The following CWC27 variants were observed in gnomAD, a reference collection of about 807,000 sequenced individuals.
The protein encoded by CWC27 is spliceosome-associated protein CWC27 homolog.
A neutral mutation model predicts 63.6 loss-of-function variants in CWC27; 47 were observed. The ratio of observed to expected loss-of-function variants is 0.74; its 90% confidence interval spans 0.58 to 0.94. The LOEUF is 0.94. Ranked by LOEUF, CWC27 falls within the 40% of genes least tolerant of loss-of-function variation. The pLI is 0.00. For missense variants in CWC27, 495 were observed against 554.3 expected, an observed-to-expected ratio of 0.89 and a Z score of 1.07; for synonymous variants, 175 against 179.8, an observed-to-expected ratio of 0.97 and a Z score of 0.22.
intron 10 of CWC27, among the ~76,000 whole-genome samples, chr5:64,867,275 A>G (rs1247210851): frequency 6.6e-6 from 1 of 152,060 alleles, no homozygotes; most frequent in African/African-American, 2.4e-5. Context: ...CCCTTGCAGG[A>G]CTTAGAAATA....
intron 10 of CWC27, among the ~76,000 whole-genome samples, chr5:64,883,709 T>C (rs936126274): frequency 3.9e-5 from 6 of 152,162 alleles, no homozygotes; most frequent in African/African-American, 9.7e-5. Context: ...GAGGGATAGA[T>C]TGCAAGAGAT....
chr5:64,858,480 A>G (rs1746316323), intron 10 of CWC27, among the ~76,000 whole-genome samples: 1 of 150,334 alleles, frequency 6.7e-6, no homozygotes, highest in South Asian at 2.1e-4. Flanking sequence ...AATAATAATA[A>G]TAATAATAAT....
chr5:64,807,699 C>T, intron 10 of CWC27: 2 of 1,535,946 alleles, frequency 1.3e-6, no homozygotes, highest in Non-Finnish European at 8.7e-7. Context: ...AGATTCCAGC[C>T]TCAGCTGTGT....
At chr5:64,932,022 C>T (rs895575137) in intron 11 of CWC27, among the ~76,000 whole-genome samples, 5 of 152,030 alleles carry the variant, frequency 3.3e-5, no homozygotes, top group Admixed American at 2.6e-4. Context: ...ACGTCTTTAA[C>T]TGGAATAGCT....
intron 13 of CWC27, among the ~76,000 whole-genome samples, chr5:65,001,421 T>C (rs1046087912): frequency 3.3e-5 from 5 of 152,150 alleles, no homozygotes; most frequent in African/African-American, 1.2e-4. Context: ...GGCTTTCACC[T>C]TTTCCCCATT....
At chr5:64,915,593 T>A (rs1747874217) in intron 11 of CWC27, among the ~76,000 whole-genome samples, 1 of 152,168 alleles carries the variant, frequency 6.6e-6, no homozygotes, top group African/African-American at 2.4e-5. Context: ...AACATTCTTA[T>A]GCATTAGATA....
At chr5:64,945,407 A>G (rs894890057) in intron 11 of CWC27, among the ~76,000 whole-genome samples, 12 of 152,210 alleles carry the variant, frequency 7.9e-5, no homozygotes, top group African/African-American at 2.9e-4. Flanking sequence ...ATGAAAGATG[A>G]ACTCTAAAAG....
At chr5:64,875,005 G>A (rs917568545) in intron 10 of CWC27, among the ~76,000 whole-genome samples, 3 of 151,978 alleles carry the variant, frequency 2.0e-5, no homozygotes, top group Admixed American at 1.3e-4. Flanking sequence ...TGAAATCTTG[G>A]CTAAGCCAAG....
intron 10 of CWC27, among the ~76,000 whole-genome samples, chr5:64,845,466 G>A (rs1745951781): frequency 6.6e-6 from 1 of 152,022 alleles, no homozygotes. Context: ...AAGAATATAT[G>A]GATAGAAAAT....
chr5:65,002,447 G>C (rs1297019047), intron 13 of CWC27, among the ~76,000 whole-genome samples: 1 of 151,998 alleles, frequency 6.6e-6, no homozygotes, highest in African/African-American at 2.4e-5. Context: ...TTCCTTCCTA[G>C]CACTGCTTTT....
chr5:64,924,597 C>A (rs936562158), intron 11 of CWC27, among the ~76,000 whole-genome samples: 1 of 152,054 alleles, frequency 6.6e-6, no homozygotes, highest in Non-Finnish European at 1.5e-5. Flanking sequence ...CAAATTATCA[C>A]CCCAAATCTA....
intron 10 of CWC27, among the ~76,000 whole-genome samples, chr5:64,813,440 C>T (rs1744943366): frequency 6.6e-6 from 1 of 152,222 alleles, no homozygotes; most frequent in East Asian, 1.9e-4. Flanking sequence ...AATATGACAA[C>T]CCTACTGTTT....
chr5:64,944,898 G>C (rs923050618), intron 11 of CWC27, among the ~76,000 whole-genome samples: 6 of 152,028 alleles, frequency 3.9e-5, no homozygotes, highest in African/African-American at 1.2e-4. Context: ...TTTCTTAAAA[G>C]TTAAAGCCTC....
At chr5:64,855,855 C>T (rs1279076010) in intron 10 of CWC27, among the ~76,000 whole-genome samples, 1 of 152,030 alleles carries the variant, frequency 6.6e-6, no homozygotes, top group Non-Finnish European at 1.5e-5. Context: ...GACATTTCCC[C>T]TCATACTTGC....
intron 11 of CWC27, among the ~76,000 whole-genome samples, chr5:64,954,983 C>T (rs1748778819): frequency 6.6e-6 from 1 of 151,860 alleles, no homozygotes; most frequent in South Asian, 2.1e-4. Context: ...AAATAATTTT[C>T]TATGTTTCTC....
chr5:64,909,480 C>A (rs1747738942), intron 11 of CWC27, among the ~76,000 whole-genome samples: 1 of 152,112 alleles, frequency 6.6e-6, no homozygotes, highest in African/African-American at 2.4e-5. Flanking sequence ...GAATGTTGGC[C>A]TGCCTTGCTA....
At chr5:65,018,109 C>T in intron 13 of CWC27, 50 bp from the exon 14 acceptor site, 1 of 1,466,820 alleles carries the variant, frequency 6.8e-7, no homozygotes, top group Non-Finnish European at 9.2e-7. Flanking sequence ...AGAATTTCTA[C>T]TGTAAGTTCC....
At chr5:64,931,186 A>C (rs1372241344) in intron 11 of CWC27, among the ~76,000 whole-genome samples, 3 of 152,102 alleles carry the variant, frequency 2.0e-5, no homozygotes, top group African/African-American at 7.2e-5. Flanking sequence ...GTTACTTAAG[A>C]GATTATTCTT....
chr5:64,952,001 T>C (rs1748719829), intron 11 of CWC27, among the ~76,000 whole-genome samples: 1 of 151,926 alleles, frequency 6.6e-6, no homozygotes, highest in African/African-American at 2.4e-5. Context: ...AAGAATACAG[T>C]TGTCCCTCAG....
Sources: gnomAD v4.1 joint callset for allele counts (sites outside exome capture counted in the v4.1 genomes callset) on GRCh38, gnomAD v4.1.1 for gene constraint, MANE v1.5 for transcripts, NCBI Gene and HGNC (gene_info 2026-07-23, HGNC 2026-07-21) for gene names.